The following EPHB2 variants were observed in gnomAD, a reference collection of about 807,000 sequenced individuals.
The protein encoded by EPHB2 is EPH receptor B2, also known as ephrin type-B receptor 2.
In EPHB2, 18 loss-of-function variants were observed where a neutral mutation model predicts 96.4. The observed-to-expected ratio is 0.19, with a 90% CI of 0.13 to 0.28. The LOEUF (loss-of-function observed/expected upper bound fraction) is 0.28, where lower values mean the gene tolerates loss of function less well. EPHB2 is among the 10% of genes least tolerant of loss of function. The pLI is 1.00. For synonymous variants in EPHB2, 506 were observed against 534.1 expected, an observed-to-expected ratio of 0.95 and a Z score of 0.72; for missense variants, 989 against 1,355.4, an observed-to-expected ratio of 0.73 and a Z score of 4.25.
chr1:22,817,897 C>T (rs1645096370), intron 3 of EPHB2, among the ~76,000 whole-genome samples: 1 of 152,186 alleles, frequency 6.6e-6, no homozygotes, highest in Admixed American at 6.5e-5. Context: ...GACTCCATCC[C>T]TGAGCTTCCT....
chr1:22,713,415 T>G (rs1643209738), intron 1 of EPHB2, among the ~76,000 whole-genome samples: 1 of 152,174 alleles, frequency 6.6e-6, no homozygotes. Flanking sequence ...GTCTACGCCC[T>G]ACTTCCCCTC....
chr1:22,862,899 A>G, intron 3 of EPHB2, 138 bp from the exon 4 acceptor site: 1 of 1,178,972 alleles, frequency 8.5e-7, no homozygotes, highest in Non-Finnish European at 1.3e-6. Context: ...CAAACCCTTC[A>G]AGAGATGAGA....
At chr1:22,850,617 AGG>A (rs1645612177) in intron 3 of EPHB2, among the ~76,000 whole-genome samples, 1 of 152,226 alleles carries the variant, frequency 6.6e-6, no homozygotes, top group Admixed American at 6.5e-5. Context: ...TGTGAGTCCC[AGG>A]GATTACAGGC....
chr1:22,884,342 C>G (rs1335266126), intron 6 of EPHB2, among the ~76,000 whole-genome samples: 1 of 151,914 alleles, frequency 6.6e-6, no homozygotes, highest in Non-Finnish European at 1.5e-5. Context: ...CCCATCTCTA[C>G]TAAAAATACA....
intron 3 of EPHB2, among the ~76,000 whole-genome samples, chr1:22,831,534 C>G (rs985379998): frequency 6.6e-6 from 1 of 151,994 alleles, no homozygotes; most frequent in African/African-American, 2.4e-5. Context: ...ACTATTATTT[C>G]CATTTTATGG....
intron 3 of EPHB2, among the ~76,000 whole-genome samples, chr1:22,794,360 G>A (rs1488667163): frequency 6.6e-6 from 1 of 152,044 alleles, no homozygotes; most frequent in East Asian, 1.9e-4. Context: ...ACGAAGGCTC[G>A]GGAATAAGGA....
In EPHB2 at chr1:22,713,398, G is replaced by T. The variant is rs117745679; in HGVS notation, c.61+2355G>T. On this transcript the variant is annotated intron_variant, in intron 1 of 15. Coordinates refer to ENST00000374630, the MANE Select transcript of EPHB2 (RefSeq NM_017449.5). ...ATGGCCTGGCTAAATATCTTGTAGA[G>T]TCCATCGTCTACGCCCTACTTCCCC... is the stretch of plus-strand genomic sequence containing the variant. Among the ~76,000 whole-genome samples, 572 of 152,256 alleles carry T rather than the reference G, an allele frequency of 3.8e-3. 15 individuals are homozygous for T. In the East Asian group the frequency reaches 0.065, roughly 17 times the overall value.
Position 22,913,822 on chromosome 1 carries a change from T to G in EPHB2, c.*252T>G. 6.2e-7 allele frequency: 1 copy of G among 1,610,638 alleles called. No individual in the cohort carries two copies. The highest frequency in any genetic ancestry group is 8.5e-7 in the Non-Finnish European group (1 of 1,178,688). On this transcript the variant is annotated 3_prime_UTR_variant, in exon 16 of 16. Transcript: ENST00000374630. This position sits in a 1 kb window ranked among gnomAD's most constrained non-coding sequence, Gnocchi z 4.1. ...GGCGGGAAATACAAGGAATATTTTT[T>G]AAAGAGGATTCTCATAAGGAAAGCA...
intron 8 of EPHB2, 39 bp from the exon 9 acceptor site, chr1:22,896,375 C>T (rs757744556): frequency 5.6e-6 from 9 of 1,613,740 alleles, no homozygotes; most frequent in Non-Finnish European, 5.1e-6. Flanking sequence ...TCCCTGGGCG[C>T]CTTCAGGTGG....
At chr1:22,751,212 C>T (rs1033852082) in intron 1 of EPHB2, among the ~76,000 whole-genome samples, 1 of 152,182 alleles carries the variant, frequency 6.6e-6, no homozygotes, top group Non-Finnish European at 1.5e-5. Context: ...GGGATGGGAC[C>T]TAGCAGAGGT....
intron 1 of EPHB2, among the ~76,000 whole-genome samples, chr1:22,720,771 C>CAT (rs1463954634): frequency 6.6e-6 from 1 of 150,614 alleles, no homozygotes; most frequent in Non-Finnish European, 1.5e-5. Context: ...AGGCTTGGCT[C>CAT]ATGATAGATA....
chr1:22,731,673 C>T (rs758641124), intron 1 of EPHB2, among the ~76,000 whole-genome samples: 42 of 152,154 alleles, frequency 2.8e-4, no homozygotes, highest in Non-Finnish European at 4.7e-4. Flanking sequence ...AACCCCATCT[C>T]TACTAAAATT....
chr1:22,860,531 G>A lies in EPHB2; in HGVS notation c.812-2506G>A, dbSNP rs552613802. On this transcript the variant is annotated intron_variant, in intron 3 of 15. Coordinates refer to ENST00000374630, the MANE Select transcript of EPHB2 (RefSeq NM_017449.5). This position sits in a 1 kb window ranked among gnomAD's most constrained non-coding sequence, Gnocchi z 4.6. ...TGAGAGGGAGCCAGGACACTGCAAG[G>A]GGGAGAGGGCAGCCAGAAAGGCAGT... 6.6e-6 allele frequency among the ~76,000 whole-genome samples: 1 copy of A among 152,232 alleles called. No individual in the cohort carries two copies. Among genetic ancestry groups the A allele is most frequent in the South Asian group, 2.1e-4 (1 of 4,820 alleles).
In EPHB2 at chr1:22,785,188, G is replaced by A. The variant is rs1004160288; in HGVS notation, c.811+112G>A. ...TCTGAAGCTTAGAGCTGACCATGAG[G>A]CACTCTAGGGCCAGGGTTTCCAAAC... On this transcript the variant is annotated intron_variant, in intron 3 of 15. Coordinates refer to ENST00000374630, the MANE Select transcript of EPHB2 (RefSeq NM_017449.5). The A allele has an allele frequency of 1.1e-5, 14 of 1,316,446 alleles. 1 individual carries two copies. The Admixed American group carries it at 3.3e-4, about 31-fold the overall frequency. 81.5% of individuals were successfully genotyped at this position (1,316,446 alleles called of 1,614,324 possible). A position where few individuals can be genotyped will look rare whatever the true frequency, so the allele number is the denominator to read the frequency against.
At chr1:22,780,753 T>C (rs866090011) in intron 1 of EPHB2, among the ~76,000 whole-genome samples, 1 of 152,096 alleles carries the variant, frequency 6.6e-6, no homozygotes, top group Admixed American at 6.6e-5. Context: ...TGTAAGACCC[T>C]CCTCGTCCAG....
chr1:22,864,763 A>T (rs1253290677), intron 4 of EPHB2, 114 bp from the exon 5 acceptor site: 1 of 667,738 alleles, frequency 1.5e-6, no homozygotes, highest in East Asian at 2.7e-5. Flanking sequence ...CAGGACAAAG[A>T]ATTTAAGGAA....
chr1:22,810,308 C>G (rs1644985276), intron 3 of EPHB2, among the ~76,000 whole-genome samples: 1 of 152,146 alleles, frequency 6.6e-6, no homozygotes, highest in Non-Finnish European at 1.5e-5. Context: ...CAGGGGTCCC[C>G]CAGCCCTCCA....
chr1:22,835,372 C>G (rs1338053328), intron 3 of EPHB2, among the ~76,000 whole-genome samples: 1 of 151,950 alleles, frequency 6.6e-6, no homozygotes, highest in Admixed American at 6.5e-5. Context: ...AGAGCAAGAC[C>G]CCATCTCAAA....
At chr1:22,888,257 G>C (rs1000380180) in intron 6 of EPHB2, among the ~76,000 whole-genome samples, 5 of 152,116 alleles carry the variant, frequency 3.3e-5, no homozygotes, top group Non-Finnish European at 7.4e-5. Context: ...TGGTCAGGCT[G>C]TTCTCGAACT....
Sources: allele counts gnomAD v4.1 joint callset (sites outside exome capture counted in the v4.1 genomes callset), GRCh38; gene constraint gnomAD v4.1.1; non-coding constraint Gnocchi (gnomAD v3.1); transcripts MANE v1.5; gene names NCBI Gene and HGNC (gene_info 2026-07-23, HGNC 2026-07-21).